Variants in LPIN1 observed in about 807,000 individuals in gnomAD.
LPIN1 encodes the protein lipin 1.
Under a neutral mutation model 107.5 loss-of-function variants are expected in LPIN1, and 71 were observed. That is an observed-to-expected ratio of 0.66 (90% CI 0.55 to 0.80). LPIN1 has a LOEUF of 0.80. Ranked by LOEUF, LPIN1 falls within the 30% of genes least tolerant of loss-of-function variation. The probability of loss-of-function intolerance (pLI) is 0.00; values close to 1 mark genes in which losing one functional copy is unlikely to be tolerated. For synonymous variants in LPIN1, 445 were observed against 452.6 expected, an observed-to-expected ratio of 0.98 and a Z score of 0.21; for missense variants, 1,043 against 1,160.6, an observed-to-expected ratio of 0.90 and a Z score of 1.47.
At chr2:11,699,441 G>T (rs750045063) in intron 1 of LPIN1, among the ~76,000 whole-genome samples, 5 of 152,098 alleles carry the variant, frequency 3.3e-5, no homozygotes, top group African/African-American at 4.8e-5. Context: ...GAGTCCCTGG[G>T]GGGGGCGTGC....
At chr2:11,804,947 T>G in intron 16 of LPIN1, 123 bp from the exon 17 acceptor site, 1 of 725,500 alleles carries the variant, frequency 1.4e-6, no homozygotes, top group South Asian at 1.6e-5. Flanking sequence ...GCCTTGGGCT[T>G]TCTATCCAGA....
intron 1 of LPIN1, among the ~76,000 whole-genome samples, chr2:11,739,267 C>T (rs997238524): frequency 3.9e-5 from 6 of 152,210 alleles, no homozygotes; most frequent in Non-Finnish European, 7.3e-5. Context: ...GGAGGCAGAT[C>T]CTTTGGCCCC....
chr2:11,744,538 C>T (rs1055978121), upstream of LPIN1, among the ~76,000 whole-genome samples: 2 of 152,232 alleles, frequency 1.3e-5, no homozygotes, highest in African/African-American at 2.4e-5. Context: ...TCAGAGCTGA[C>T]CCTAGCCGTG....
chr2:11,737,673 A>G (rs1489359731), intron 1 of LPIN1, among the ~76,000 whole-genome samples: 1 of 152,290 alleles, frequency 6.6e-6, no homozygotes, highest in Admixed American at 6.5e-5. Context: ...ATGCAAATCA[A>G]AACCACAATG....
chr2:11,800,166 T>A (rs1033466599), intron 14 of LPIN1, among the ~76,000 whole-genome samples: 3 of 152,244 alleles, frequency 2.0e-5, no homozygotes, highest in Non-Finnish European at 4.4e-5. Flanking sequence ...GTGCCATCGA[T>A]GCCTGGCATG....
At chr2:11,787,429 G>A (rs1439027440) in intron 11 of LPIN1, among the ~76,000 whole-genome samples, 1 of 115,470 alleles carries the variant, frequency 8.7e-6, no homozygotes, top group Non-Finnish European at 1.6e-5. Context: ...GCGACAAGGT[G>A]TAGCTCTGTC....
rs182742688 is a variant in LPIN1 at position 11,789,431 on chromosome 2, C to T, written c.1713+975C>T. 3.2e-3 allele frequency among the ~76,000 whole-genome samples: 481 copies of T among 151,298 alleles called. 1 individual carries two copies. The highest frequency in any genetic ancestry group is 4.6e-3 in the Non-Finnish European group (311 of 67,856). ...TGCAGGTGTGTGCCTTATGTGTGTG[C>T]GTGTGTGTATGTGCATGTGTATATG... On this transcript the variant is annotated intron_variant, in intron 12 of 20. Coordinates refer to ENST00000674199, the MANE Select transcript of LPIN1 (RefSeq NM_001349206.2).
At chr2:11,700,052 A>T (rs1662791339) in intron 1 of LPIN1, among the ~76,000 whole-genome samples, 1 of 152,172 alleles carries the variant, frequency 6.6e-6, no homozygotes, top group South Asian at 2.1e-4. Context: ...TTTGATTGTT[A>T]TTCTAGGCAG....
intron 1 of LPIN1, among the ~76,000 whole-genome samples, chr2:11,736,180 T>G (rs766973348): frequency 2.6e-5 from 4 of 152,344 alleles, no homozygotes; most frequent in Admixed American, 1.3e-4. Context: ...TGAAACCAAT[T>G]TGATGCCCTT....
At chr2:11,719,057 C>CT (rs1469252153) in intron 2 of LPIN1, among the ~76,000 whole-genome samples, 2 of 152,024 alleles carry the variant, frequency 1.3e-5, no homozygotes, top group Admixed American at 6.5e-5. Flanking sequence ...TTTCAAACTT[C>CT]TTTTTTTGTT....
At chr2:11,741,238 T>G in intron 1 of LPIN1, 2 of 692,568 alleles carry the variant, frequency 2.9e-6, no homozygotes, top group Non-Finnish European at 4.7e-6. Flanking sequence ...GCTGTGTCCC[T>G]AAGTTGCTGG....
intron 9 of LPIN1, 72 bp from the exon 10 acceptor site, chr2:11,784,814 C>T (rs1370202270): frequency 3.5e-6 from 5 of 1,449,142 alleles, no homozygotes; most frequent in Admixed American, 3.3e-5. Context: ...GCCAGAGCAT[C>T]ACTGGATGGT....
At chr2:11,805,481 A>C (rs1678520577) in intron 17 of LPIN1, 12 of 457,074 alleles carry the variant, frequency 2.6e-5, no homozygotes, top group South Asian at 2.4e-4. Flanking sequence ...CCAGTTGAAG[A>C]AATAGGAGCT....
chr2:11,690,625 C>T (rs1305499686), intron 1 of LPIN1, among the ~76,000 whole-genome samples: 2 of 152,206 alleles, frequency 1.3e-5, no homozygotes, highest in East Asian at 1.9e-4. Flanking sequence ...TGCCTCCTAG[C>T]TGCTGTTTTA....
At chr2:11,773,855 C>T (rs1193589193) in intron 5 of LPIN1, 110 bp downstream of exon 5, 13 of 1,277,448 alleles carry the variant, frequency 1.0e-5, no homozygotes, top group Non-Finnish European at 1.3e-5. Context: ...ATAATTAGGA[C>T]CAGGAAAAAC....
At chr2:11,726,035 T>G (rs555179466) in intron 1 of LPIN1, among the ~76,000 whole-genome samples, 18 of 152,158 alleles carry the variant, frequency 1.2e-4, no homozygotes, top group Non-Finnish European at 2.4e-4. Flanking sequence ...TGATCCATTC[T>G]CATAGACTCA....
intron 1 of LPIN1, among the ~76,000 whole-genome samples, chr2:11,735,594 C>T (rs967687809): frequency 4.6e-5 from 7 of 152,290 alleles, no homozygotes; most frequent in African/African-American, 1.7e-4. Context: ...GTCTGGCATA[C>T]ACTGGACATT....
intron 9 of LPIN1, 42 bp from the exon 10 acceptor site, chr2:11,784,844 G>A: frequency 1.9e-6 from 3 of 1,601,886 alleles, no homozygotes; most frequent in Non-Finnish European, 2.6e-6. Context: ...CCCTGAACTG[G>A]GACAGTCCTC....
chr2:11,694,888 C>T (rs1662492981), intron 1 of LPIN1, among the ~76,000 whole-genome samples: 1 of 152,152 alleles, frequency 6.6e-6, no homozygotes, highest in South Asian at 2.1e-4. Flanking sequence ...AGCAGTATTA[C>T]AGCCGAGGTT....
Sources: gnomAD v4.1 joint callset for allele counts (sites outside exome capture counted in the v4.1 genomes callset) on GRCh38, gnomAD v4.1.1 for gene constraint, MANE v1.5 for transcripts, NCBI Gene and HGNC (gene_info 2026-07-23, HGNC 2026-07-21) for gene names.